The following USH1C variants were observed in gnomAD, a reference collection of about 807,000 sequenced individuals.
The protein encoded by USH1C is harmonin.
A neutral mutation model predicts 119.3 loss-of-function variants in USH1C; 90 were observed. That is an observed-to-expected ratio of 0.75 (90% CI 0.64 to 0.90). The LOEUF (loss-of-function observed/expected upper bound fraction) is 0.90, where lower values mean the gene tolerates loss of function less well. Among genes scored for constraint, USH1C ranks in the 40% least tolerant of loss-of-function variants. The probability of loss-of-function intolerance (pLI) is 0.00; values close to 1 mark genes in which losing one functional copy is unlikely to be tolerated. For synonymous variants in USH1C, 465 were observed against 443.3 expected (o/e 1.05, Z -0.62); for missense variants, 1,165 against 1,167.7 (o/e 1.00, Z 0.03).
chr11:17,521,035 C>G, intron 13 of USH1C, 41 bp from the exon 14 acceptor site: 1 of 1,612,672 alleles, frequency 6.2e-7, no homozygotes, highest in Non-Finnish European at 8.5e-7. Flanking sequence ...AGTCAGAACC[C>G]CCATAGGCCC....
intron 25 of USH1C, among the ~76,000 whole-genome samples, chr11:17,496,329 C>T (rs548120216): frequency 1.8e-4 from 28 of 152,258 alleles, no homozygotes; most frequent in African/African-American, 6.3e-4. Context: ...CCTGTGGTCC[C>T]GGCTGCCTAG....
At chr11:17,506,066 T>C in intron 18 of USH1C, 117 bp from the exon 19 acceptor site, 1 of 1,454,818 alleles carries the variant, frequency 6.9e-7, no homozygotes, top group South Asian at 1.2e-5. Flanking sequence ...GCCAGCCTGG[T>C]CATTCAACTG....
At chr11:17,500,952 C>T (rs932751874) in intron 23 of USH1C, 99 bp downstream of exon 23, 13 of 982,366 alleles carry the variant, frequency 1.3e-5, no homozygotes, top group South Asian at 4.1e-5. Flanking sequence ...CTCCAGCAAC[C>T]GTCAGCCCAC....
At chr11:17,526,869 G>T (rs1850704378) in intron 6 of USH1C, 59 bp from the exon 7 acceptor site, 16 of 1,597,702 alleles carry the variant, frequency 1.0e-5, no homozygotes, top group Non-Finnish European at 1.4e-5. Context: ...GAGGAACCAG[G>T]CCCCACATCC....
rs768084753 is a variant in USH1C at position 17,510,469 on chromosome 11, C to A, written c.1466G>T (p.Trp489Leu). 1.9e-6 allele frequency: 3 copies of A among 1,613,700 alleles called. No homozygotes were observed. The highest frequency in any genetic ancestry group is 2.5e-6 in the Non-Finnish European group (3 of 1,179,984). The stretch of plus-strand genomic sequence containing the variant: ...GCGCGTTTGACAGAGCCTCTCCACC[C>A]AATATTGAATCTTTTCCGATTCTTC... ...DLEESEKIQY[W>L]VERLCQTRLE... Residue 489 changes from tryptophan (W) to leucine (L), a missense_variant, in exon 17 of 27, where the codon TGG becomes TTG. Transcript: ENST00000005226.
intron 1 of USH1C, 41 bp downstream of exon 1, chr11:17,544,231 C>T: frequency 6.2e-7 from 1 of 1,613,616 alleles, no homozygotes; most frequent in South Asian, 1.1e-5. Flanking sequence ...GCGCCCAGGA[C>T]TCCGGAGTCC....
chr11:17,494,247 T>G lies in USH1C; in HGVS notation c.*85A>C. 6.8e-7 allele frequency: 1 copy of G among 1,476,668 alleles called. No homozygotes were observed. The highest frequency in any genetic ancestry group is 9.3e-7 in the Non-Finnish European group (1 of 1,075,676). The allele number at this position is 1,476,668 out of a possible 1,614,324, so 91.5% of individuals were successfully genotyped here. A position where few individuals can be genotyped will look rare whatever the true frequency, so the allele number is the denominator to read the frequency against. ...GGGTGATAGATTCAGGTCCCAAGGA[T>G]GCCATCTGGTGTGTGTAGTGTGGCC... On this transcript the variant is annotated 3_prime_UTR_variant, in exon 27 of 27. Coordinates refer to ENST00000005226, the MANE Select transcript of USH1C (RefSeq NM_153676.4).
intron 1 of USH1C, among the ~76,000 whole-genome samples, chr11:17,543,926 A>C (rs1178826183): frequency 6.6e-6 from 1 of 152,144 alleles, no homozygotes; most frequent in Non-Finnish European, 1.5e-5. Context: ...AGCTGGGGGC[A>C]CTAGGAAGGA....
chr11:17,521,203 C>T, intron 13 of USH1C, 143 bp downstream of exon 13: 1 of 1,062,920 alleles, frequency 9.4e-7, no homozygotes, highest in South Asian at 1.3e-5. Context: ...TATAATATGA[C>T]AGGCTTTACT....
chr11:17,526,625 G>A, intron 7 of USH1C, 128 bp downstream of exon 7: 1 of 1,206,320 alleles, frequency 8.3e-7, no homozygotes. Flanking sequence ...GCGGTGTGCT[G>A]GCTGCCCTGG....
intron 1 of USH1C, among the ~76,000 whole-genome samples, chr11:17,539,819 G>GTTAC (rs201943464): frequency 0.017 from 2,478 of 143,004 alleles, 74 homozygotes; most frequent in African/African-American, 0.061. Context: ...TTCTGTTTCT[G>GTTAC]TTTCTTTCTT....
Position 17,527,447 on chromosome 11 carries a change from AC to A in USH1C, c.388-117del, listed in dbSNP as rs1367469665. The A allele has an allele frequency of 1.4e-5, 12 of 844,624 alleles. No individual in the cohort carries two copies. The East Asian group carries it at 1.8e-4, about 13-fold the overall frequency. The allele number at this position is 844,624 out of a possible 1,614,324, so 52.3% of individuals were successfully genotyped here. ...CGGAAAAGGGAAGGGTGGCTGTGCC[AC>A]CCCCTGGAATAAGCCTTGATCTCAA... On this transcript the variant is annotated intron_variant, in intron 4 of 26. Transcript: ENST00000005226.
At chr11:17,525,265 G>A (rs76514102) in intron 8 of USH1C, among the ~76,000 whole-genome samples, 3,903 of 152,258 alleles carry the variant, frequency 0.026, 171 homozygotes, top group African/African-American at 0.088. Context: ...ATGTAGTCCC[G>A]TTCGAGTCCC....
intron 20 of USH1C, 149 bp downstream of exon 20, chr11:17,504,498 A>C: frequency 1.2e-6 from 1 of 848,404 alleles, no homozygotes; most frequent in Non-Finnish European, 2.0e-6. Context: ...TGCGCAGGCA[A>C]TGGAGGACAC....
Position 17,526,359 on chromosome 11 carries a change from C to A in USH1C, c.662G>T (p.Gly221Val). 5 of 1,613,898 alleles carry A rather than the reference C, an allele frequency of 3.1e-6. No homozygotes were observed. The highest frequency in any genetic ancestry group is 4.2e-6 in the Non-Finnish European group (5 of 1,179,970). Reference protein sequence around the residue: ...KVFISLVGSRGLGCSISSGPI... With the variant: ...KVFISLVGSRVLGCSISSGPI... ...GCCTGCCACCCACCTGCAGCCAAGG[C>A]CTCGGGAGCCTACCAGGCTGATGAA... The change falls in exon 8 of 27, where the codon GGC (glycine) becomes GTC (valine). Residue 221 changes from glycine to valine, a missense_variant. Physicochemically the swap from Gly to Val is moderately radical, Grantham distance 109 (BLOSUM62 -3). Transcript: ENST00000005226.
At chr11:17,528,392 G>A (rs1307614470) in intron 4 of USH1C, among the ~76,000 whole-genome samples, 1 of 152,192 alleles carries the variant, frequency 6.6e-6, no homozygotes, top group Non-Finnish European at 1.5e-5. Flanking sequence ...ATAACCACAG[G>A]GCAGGAGGAA....
chr11:17,533,540 C>A (rs1851092575), intron 1 of USH1C: 3 of 637,580 alleles, frequency 4.7e-6, no homozygotes, highest in Non-Finnish European at 8.6e-6. Context: ...TACCGCTGCC[C>A]CTCCAGATGT....
chr11:17,514,046 C>G (rs1166880546), intron 15 of USH1C, among the ~76,000 whole-genome samples: 1 of 152,148 alleles, frequency 6.6e-6, no homozygotes, highest in South Asian at 2.1e-4. Context: ...TGGGCTCCTG[C>G]AAGTAGGGCT....
intron 8 of USH1C, among the ~76,000 whole-genome samples, chr11:17,525,497 C>T (rs1237833242): frequency 6.6e-6 from 1 of 152,154 alleles, no homozygotes; most frequent in Non-Finnish European, 1.5e-5. Context: ...CCACAACCAC[C>T]CTGTGATGTG....
Sources: allele counts gnomAD v4.1 joint callset (sites outside exome capture counted in the v4.1 genomes callset), GRCh38; gene constraint gnomAD v4.1.1; transcripts MANE v1.5; gene names NCBI Gene and HGNC (gene_info 2026-07-23, HGNC 2026-07-21).